The following NBPF11 variants were observed in gnomAD, a reference collection of about 807,000 sequenced individuals.
The protein encoded by NBPF11 is NBPF family member NBPF11.
A neutral mutation model predicts 93.9 loss-of-function variants in NBPF11; 72 were observed. That is an observed-to-expected ratio of 0.77 (90% CI 0.63 to 0.93). The LOEUF is 0.93. Ranked by LOEUF, NBPF11 falls within the 40% of genes least tolerant of loss-of-function variation. The pLI is 0.00. For missense variants in NBPF11, 705 were observed against 802.2 expected, an observed-to-expected ratio of 0.88 and a Z score of 1.46; for synonymous variants, 224 against 304.9, an observed-to-expected ratio of 0.73 and a Z score of 2.76.
intron 6 of NBPF11, among the ~76,000 whole-genome samples, chr1:148,124,573 G>T (rs1217470204): frequency 2.0e-5 from 3 of 151,706 alleles, no homozygotes; most frequent in East Asian, 1.9e-4. Flanking sequence ...CTCACTAAGG[G>T]TAAGTGGGGT....
At chr1:148,141,031 T>C (rs1672080856) in intron 2 of NBPF11, among the ~76,000 whole-genome samples, 1 of 151,972 alleles carries the variant, frequency 6.6e-6, no homozygotes. Flanking sequence ...AACTACATAA[T>C]GCTAGAAAGA....
At chr1:148,147,186 G>A (rs1673289054) in intron 1 of NBPF11, among the ~76,000 whole-genome samples, 4 of 152,164 alleles carry the variant, frequency 2.6e-5, no homozygotes, top group African/African-American at 9.7e-5. Flanking sequence ...AGGATGGGAA[G>A]GGGCTGAGCT....
At chr1:148,149,609 C>T (rs1302442543) in intron 1 of NBPF11, 93 of 1,567,208 alleles carry the variant, frequency 5.9e-5, no homozygotes, top group Non-Finnish European at 7.2e-5. Context: ...AGGCGGCCCC[C>T]GGACCTCACC....
intron 4 of NBPF11, among the ~76,000 whole-genome samples, chr1:148,131,431 A>C (rs1670321225): frequency 6.6e-6 from 1 of 152,018 alleles, no homozygotes; most frequent in Admixed American, 6.6e-5. Context: ...CCCAGCACCT[A>C]GACCCATTTA....
intron 14 of NBPF11, among the ~76,000 whole-genome samples, chr1:148,115,500 G>T (rs1487228176): frequency 2.6e-5 from 4 of 151,272 alleles, no homozygotes; most frequent in Admixed American, 1.3e-4. Context: ...AATCACAGAT[G>T]ACAAGAGATA....
chr1:148,105,355 C>A lies in NBPF11; in HGVS notation c.2472+5G>T. ...TCCTTATCACCTTCATAGAAAGGTA[C>A]TCACCTCCCACGTCAAGAGAAAAGC... On this transcript the variant is annotated splice_donor_5th_base_variant and intron_variant, in intron 22 of 23. Transcript: ENST00000682118. 1 of 777,286 alleles carries A rather than the reference C, an allele frequency of 1.3e-6. No homozygotes were observed. Among genetic ancestry groups the A allele is most frequent in the Non-Finnish European group, 2.3e-6 (1 of 428,076 alleles). The allele number at this position is 777,286 out of a possible 1,614,324, so 48.1% of individuals were successfully genotyped here. A position where few individuals can be genotyped will look rare whatever the true frequency, so the allele number is the denominator to read the frequency against.
At chr1:148,104,204 A>G (rs1662984172) in intron 23 of NBPF11, among the ~76,000 whole-genome samples, 1 of 144,416 alleles carries the variant, frequency 6.9e-6, no homozygotes, top group African/African-American at 2.7e-5. Context: ...GAGTCAAAGG[A>G]CACTCTGACT....
intron 14 of NBPF11, 135 bp downstream of exon 14, chr1:148,115,658 A>C (rs58376405): frequency 6.3e-5 from 83 of 1,323,030 alleles, no homozygotes; most frequent in Non-Finnish European, 6.8e-5. Flanking sequence ...GAAGGACAAA[A>C]AAACTCCCTG....
Position 148,108,650 on chromosome 1 carries a change from T to C in NBPF11, c.1858A>G (p.Ser620Gly). 9.2e-7 allele frequency: 1 copy of C among 1,084,270 alleles called. No individual in the cohort carries two copies. Among genetic ancestry groups the C allele is most frequent in the South Asian group, 1.2e-5 (1 of 80,548 alleles). The allele number at this position is 1,084,270 out of a possible 1,614,324, so 67.2% of individuals were successfully genotyped here. The change falls in exon 18 of 24, where the codon AGC becomes GGC. Residue 620 changes from serine to glycine, a missense_variant. Physicochemically the swap from Ser to Gly is moderately conservative, Grantham distance 56. Around this residue, in one of 12 missense-constraint regions of NBPF11, gnomAD observed 97 missense variants for 65.0 expected, o/e 1.49. Transcript: ENST00000682118. ...EDQEATGPRL[S>G]RELLDEKEPE... ...TCTTTCTCATCCAGCAGCTCCCTGC[T>C]GAGCCTGGAAAAGTGGGAAAAAGTA...
intron 20 of NBPF11, 118 bp downstream of exon 20, chr1:148,106,824 T>C (rs1182174046): frequency 1.7e-5 from 13 of 766,440 alleles, no homozygotes; most frequent in Middle Eastern, 3.5e-4. Context: ...TATGCACCCA[T>C]AGGTCCTGCC....
In NBPF11 at chr1:148,146,112, G is replaced by C. The variant is rs1295071365; in HGVS notation, c.-548-2426C>G. Among the ~76,000 whole-genome samples the C allele has an allele frequency of 1.3e-5, 2 of 151,852 alleles. 1 individual carries two copies. The highest frequency in any genetic ancestry group is 4.1e-4 in the South Asian group (2 of 4,830). ...GACGGACGCACGGGCGGGCGGCCGG[G>C]AGCCATGGAGCGCGGCCCTGGGGCC... On this transcript the variant is annotated intron_variant, in intron 1 of 23. Coordinates refer to ENST00000682118, the MANE Select transcript of NBPF11 (RefSeq NM_001385469.3).
intron 1 of NBPF11, chr1:148,146,313 C>T: frequency 7.3e-7 from 1 of 1,376,750 alleles, no homozygotes. Context: ...CTCGGAGCAC[C>T]CCACCCCTCC....
chr1:148,148,310 G>C (rs1414066965), intron 1 of NBPF11, among the ~76,000 whole-genome samples: 1 of 152,256 alleles, frequency 6.6e-6, no homozygotes, highest in Non-Finnish European at 1.5e-5. Flanking sequence ...CCTTGCAAGA[G>C]GGCGTCTGCC....
At chr1:148,110,135 G>C (rs1392321198) in intron 16 of NBPF11, among the ~76,000 whole-genome samples, 32 of 151,840 alleles carry the variant, frequency 2.1e-4, no homozygotes, top group Admixed American at 2.1e-3. Flanking sequence ...GTTCAATGTC[G>C]TGACAGTCAG....
In NBPF11 at chr1:148,147,380, G is replaced by T. The variant is rs1398917848; in HGVS notation, c.-548-3694C>A. 2.3e-4 allele frequency among the ~76,000 whole-genome samples: 35 copies of T among 152,146 alleles called. No homozygotes were observed. In the Middle Eastern group the frequency reaches 0.01, roughly 44 times the overall value. On this transcript the variant is annotated intron_variant, in intron 1 of 23. Transcript: ENST00000682118. ...GTGGCTGCGGAGCTTGGCCATCCTG[G>T]GGCAGGGCCTACAGGGTAAGGTGCA...
At chr1:148,115,049 C>A in intron 14 of NBPF11, among the ~76,000 whole-genome samples, 1 of 140,828 alleles carries the variant, frequency 7.1e-6, no homozygotes. Flanking sequence ...CCTGTGGTCC[C>A]AGCAACTCAG....
At chr1:148,121,306 A>C (rs1159186919) in intron 9 of NBPF11, among the ~76,000 whole-genome samples, 1 of 150,256 alleles carries the variant, frequency 6.7e-6, no homozygotes, top group Non-Finnish European at 1.5e-5. Flanking sequence ...GGCCTCTCAA[A>C]GTGCTGGGAT....
At chr1:148,112,664 C>T (rs1440077303) in intron 15 of NBPF11, among the ~76,000 whole-genome samples, 7 of 143,788 alleles carry the variant, frequency 4.9e-5, no homozygotes, top group Admixed American at 4.3e-4. Context: ...TTTGGGTATA[C>T]ACCCAGTAAT....
intron 4 of NBPF11, among the ~76,000 whole-genome samples, chr1:148,134,653 C>A (rs1670970453): frequency 6.6e-6 from 1 of 151,316 alleles, no homozygotes; most frequent in African/African-American, 2.4e-5. Context: ...TTATTTTCAA[C>A]TGTTGTTCCA....
Sources: gnomAD v4.1 joint callset for allele counts (sites outside exome capture counted in the v4.1 genomes callset) on GRCh38, gnomAD v4.1.1 for gene constraint, gnomAD v4.1.1 regional missense constraint, MANE v1.5 for transcripts, NCBI Gene and HGNC (gene_info 2026-07-23, HGNC 2026-07-21) for gene names.